B3GALT1: variants seen among roughly 807,000 people sequenced by gnomAD.
B3GALT1 encodes UDP-Gal:betaGlcNAc beta 1,3-galactosyltransferase, polypeptide 1.
A neutral mutation model predicts 23.2 loss-of-function variants in B3GALT1; 10 were observed. The ratio of observed to expected loss-of-function variants is 0.43; its 90% CI spans 0.27 to 0.73. The LOEUF is 0.73. Among genes scored for constraint, B3GALT1 ranks in the 30% least tolerant of loss-of-function variants. B3GALT1 has a pLI of 0.21. For synonymous variants in B3GALT1, 156 were observed against 141.5 expected, an observed-to-expected ratio of 1.10 and a Z score of -0.73; for missense variants, 299 against 405.4, an observed-to-expected ratio of 0.74 and a Z score of 2.25.
intron 2 of B3GALT1, among the ~76,000 whole-genome samples, chr2:167,604,633 G>A (rs1684931603): frequency 6.6e-6 from 1 of 152,144 alleles, no homozygotes; most frequent in African/African-American, 2.4e-5. Context: ...TCCCTTAGAT[G>A]TCATAGACTT....
In B3GALT1 at chr2:167,829,249, C is replaced by T. The variant is rs867589719; in HGVS notation, c.-230+10456C>T. ...CTGTAATCCCAGCACTTTGGGAGGC[C>T]GAGGTAGGTGGATCATGAGGTCAGG... is the stretch of plus-strand genomic sequence containing the variant. On this transcript the variant is annotated intron_variant, in intron 4 of 4. Transcript: ENST00000392690. Among the ~76,000 whole-genome samples the T allele has an allele frequency of 5.0e-4, 76 of 152,022 alleles. 1 individual carries two copies. Among genetic ancestry groups the T allele is most frequent in the Middle Eastern group, 3.4e-3 (1 of 294 alleles).
At chr2:167,401,934 G>C (rs1698198309) in intron 1 of B3GALT1, among the ~76,000 whole-genome samples, 1 of 152,118 alleles carries the variant, frequency 6.6e-6, no homozygotes, top group African/African-American at 2.4e-5. Context: ...TGGAGTAGAA[G>C]CTCATTAAAA....
chr2:167,646,057 A>G (rs942083844), intron 2 of B3GALT1, among the ~76,000 whole-genome samples: 1 of 152,144 alleles, frequency 6.6e-6, no homozygotes. Flanking sequence ...TTCTGAAATC[A>G]CAGAATATTA....
intron 1 of B3GALT1, among the ~76,000 whole-genome samples, chr2:167,477,179 CG>C (rs1450120221): frequency 1.3e-5 from 2 of 152,004 alleles, no homozygotes; most frequent in Non-Finnish European, 2.9e-5. Flanking sequence ...AATCTTTGTG[CG>C]TGGGAAGGAG....
chr2:167,819,210 A>G (rs2105362904), intron 4 of B3GALT1, among the ~76,000 whole-genome samples: 1 of 152,348 alleles, frequency 6.6e-6, no homozygotes, highest in Non-Finnish European at 1.5e-5. Context: ...TAGATGACCT[A>G]AGACAATTCC....
intron 1 of B3GALT1, among the ~76,000 whole-genome samples, chr2:167,408,532 A>G (rs1490750424): frequency 6.6e-6 from 1 of 152,198 alleles, no homozygotes; most frequent in Non-Finnish European, 1.5e-5. Flanking sequence ...ATTAGTCAAG[A>G]TAAAGAAATG....
At chr2:167,426,228 A>G (rs1288628308) in intron 1 of B3GALT1, among the ~76,000 whole-genome samples, 3 of 151,536 alleles carry the variant, frequency 2.0e-5, no homozygotes, top group Non-Finnish European at 2.9e-5. Flanking sequence ...TCACTGGAGT[A>G]TGATAGAAAT....
intron 1 of B3GALT1, among the ~76,000 whole-genome samples, chr2:167,293,721 C>G (rs1696297073): frequency 6.6e-6 from 1 of 152,104 alleles, no homozygotes; most frequent in Non-Finnish European, 1.5e-5. Context: ...ACGGAGCGCA[C>G]GGGAAAGTCC....
chr2:167,808,063 T>C (rs1688796136), intron 3 of B3GALT1, among the ~76,000 whole-genome samples: 2 of 152,090 alleles, frequency 1.3e-5, no homozygotes, highest in African/African-American at 4.8e-5. Flanking sequence ...GTAATGGCCT[T>C]CTTTGTCTCT....
chr2:167,373,834 C>T (rs1697722149), intron 1 of B3GALT1, among the ~76,000 whole-genome samples: 1 of 152,142 alleles, frequency 6.6e-6, no homozygotes, highest in African/African-American at 2.4e-5. Context: ...GCTGGGATTA[C>T]AGGTGTGAGC....
intron 3 of B3GALT1, among the ~76,000 whole-genome samples, chr2:167,673,988 G>C (rs1182235051): frequency 6.6e-6 from 1 of 151,960 alleles, no homozygotes; most frequent in Non-Finnish European, 1.5e-5. Context: ...TATATTTACT[G>C]GTTCTCAGTT....
chr2:167,714,933 G>A, intron 3 of B3GALT1: 4 of 1,611,532 alleles, frequency 2.5e-6, no homozygotes, highest in South Asian at 2.2e-5. Context: ...TTCTGTTGAA[G>A]CTTCTGATTC....
At chr2:167,602,287 A>G (rs1288577115) in intron 2 of B3GALT1, among the ~76,000 whole-genome samples, 2 of 152,162 alleles carry the variant, frequency 1.3e-5, no homozygotes, top group Admixed American at 6.5e-5. Flanking sequence ...CATTTTTCAG[A>G]GCTAAATGAG....
chr2:167,703,948 A>G (rs75620988), intron 3 of B3GALT1, among the ~76,000 whole-genome samples: 23,978 of 152,030 alleles, frequency 0.16, 2,265 homozygotes, highest in East Asian at 0.43. Context: ...TTGGGAGGCC[A>G]AGGCGGGCGG....
At chr2:167,820,615 T>C (rs1332493392) in intron 4 of B3GALT1, among the ~76,000 whole-genome samples, 1 of 152,196 alleles carries the variant, frequency 6.6e-6, no homozygotes, top group Non-Finnish European at 1.5e-5. Flanking sequence ...CCCCAACCCA[T>C]GGACCCACAA....
intron 1 of B3GALT1, among the ~76,000 whole-genome samples, chr2:167,486,717 A>G (rs1039058122): frequency 2.0e-5 from 3 of 152,236 alleles, no homozygotes; most frequent in Non-Finnish European, 1.5e-5. Flanking sequence ...AACAAATTAA[A>G]AAAATTTAAA....
At chr2:167,630,686 T>G (rs964132688) in intron 2 of B3GALT1, among the ~76,000 whole-genome samples, 1 of 151,480 alleles carries the variant, frequency 6.6e-6, no homozygotes, top group African/African-American at 2.4e-5. Flanking sequence ...TAGGGCAAAA[T>G]GTTGATAATT....
chr2:167,525,774 A>T (rs1420200976), intron 2 of B3GALT1, among the ~76,000 whole-genome samples: 2 of 145,198 alleles, frequency 1.4e-5, no homozygotes, highest in East Asian at 2.0e-4. Flanking sequence ...CACCTGGCTA[A>T]TTTTTTTTTT....
chr2:167,728,162 C>G (rs1024730350), intron 3 of B3GALT1, among the ~76,000 whole-genome samples: 3 of 152,260 alleles, frequency 2.0e-5, no homozygotes, highest in Non-Finnish European at 2.9e-5. Context: ...CAAGGGGGAG[C>G]GGATCACCTG....
Sources: allele counts gnomAD v4.1 joint callset (sites outside exome capture counted in the v4.1 genomes callset), GRCh38; gene constraint gnomAD v4.1.1; transcripts MANE v1.5; gene names NCBI Gene and HGNC (gene_info 2026-07-23, HGNC 2026-07-21).